DIP2C: variants seen among roughly 807,000 people sequenced by gnomAD.
DIP2C encodes the protein disco-interacting protein 2 homolog C.
Under a neutral mutation model 192.4 loss-of-function variants are expected in DIP2C, and 33 were observed. The ratio of observed to expected loss-of-function variants is 0.17; its 90% CI spans 0.13 to 0.23. DIP2C has a LOEUF of 0.23. Among genes scored for constraint, DIP2C ranks in the 10% least tolerant of loss-of-function variants. The pLI is 1.00. For missense variants in DIP2C, 1,537 were observed against 2,110.1 expected, an observed-to-expected ratio of 0.73 and a Z score of 5.32; for synonymous variants, 979 against 864.1, an observed-to-expected ratio of 1.13 and a Z score of -2.33.
intron 1 of DIP2C, among the ~76,000 whole-genome samples, chr10:508,850 A>G (rs1279595185): frequency 1.3e-5 from 2 of 152,192 alleles, no homozygotes; most frequent in African/African-American, 4.8e-5. Context: ...CATGACCCAA[A>G]AAAGGCATCA....
intron 1 of DIP2C, among the ~76,000 whole-genome samples, chr10:634,926 C>T (rs188888644): frequency 9.9e-4 from 150 of 152,224 alleles, no homozygotes; most frequent in Non-Finnish European, 1.4e-3. Context: ...TTCTAATTGG[C>T]CCCCAATTTT....
intron 1 of DIP2C, among the ~76,000 whole-genome samples, chr10:502,717 A>G (rs1455588827): frequency 6.6e-6 from 1 of 152,196 alleles, no homozygotes; most frequent in African/African-American, 2.4e-5. Flanking sequence ...GTTAAAAACA[A>G]CACTATTTAC....
chr10:566,682 A>G (rs1483966387), intron 1 of DIP2C, among the ~76,000 whole-genome samples: 1 of 152,240 alleles, frequency 6.6e-6, no homozygotes, highest in Admixed American at 6.5e-5. Context: ...GTCTCTCGCC[A>G]TGGAGGCGGT....
chr10:675,622 A>C (rs1830848106), intron 1 of DIP2C, among the ~76,000 whole-genome samples: 1 of 152,184 alleles, frequency 6.6e-6, no homozygotes, highest in Non-Finnish European at 1.5e-5. Flanking sequence ...ACAAGGGCTC[A>C]CTGGAGACTA....
intron 1 of DIP2C, among the ~76,000 whole-genome samples, chr10:655,515 T>A (rs1325854948): frequency 6.6e-6 from 1 of 152,180 alleles, no homozygotes; most frequent in Non-Finnish European, 1.5e-5. Flanking sequence ...CACTGTCCTC[T>A]CTGTTCTGTG....
rs796728537 is a variant in DIP2C, at chr10:555,189, TA to T, written c.86-68660del. Among the ~76,000 whole-genome samples the T allele has an allele frequency of 6.5e-3, 856 of 131,750 alleles. 11 individuals carry two copies. The highest frequency in any genetic ancestry group is 0.031 in the African/African-American group (780 of 24,812). 86.4% of individuals were successfully genotyped at this position (131,750 alleles called of 152,430 possible). On this transcript the variant is annotated intron_variant, in intron 1 of 36. Transcript: ENST00000280886. Reference sequence around the variant, plus strand: ...ATTTAGTTTATGTTTTCTTCAGTATTATTTTTTTTTTTTCCCAAGCCATTAC... The same window carrying T: ...ATTTAGTTTATGTTTTCTTCAGTATTTTTTTTTTTTTTCCCAAGCCATTAC...
chr10:439,906 A>ATGG (rs1287855036), intron 4 of DIP2C, among the ~76,000 whole-genome samples: 3 of 152,218 alleles, frequency 2.0e-5, no homozygotes, highest in African/African-American at 7.2e-5. Flanking sequence ...GGAGAAAAAA[A>ATGG]TGGTGTCAAA....
At chr10:476,643 GGGCCCCTCTCCCA>G (rs1843054260) in intron 2 of DIP2C, among the ~76,000 whole-genome samples, 1 of 152,104 alleles carries the variant, frequency 6.6e-6, no homozygotes, top group South Asian at 2.1e-4. Flanking sequence ...TTTGCAATGG[GGGCCCCTCTCCCA>G]GGCCCCTCCA....
intron 31 of DIP2C, among the ~76,000 whole-genome samples, chr10:317,798 A>T (rs901128793): frequency 5.3e-5 from 8 of 152,244 alleles, no homozygotes; most frequent in African/African-American, 1.9e-4. Context: ...TTATCTGTTC[A>T]GTGCAGTGTC....
intron 1 of DIP2C, among the ~76,000 whole-genome samples, chr10:679,987 A>T (rs928682865): frequency 1.3e-5 from 2 of 152,148 alleles, no homozygotes; most frequent in African/African-American, 4.8e-5. Context: ...ATCCACATTA[A>T]TCCTGACAGT....
At chr10:592,706 C>T (rs190279009) in intron 1 of DIP2C, among the ~76,000 whole-genome samples, 6 of 152,102 alleles carry the variant, frequency 3.9e-5, no homozygotes, top group Non-Finnish European at 8.8e-5. Flanking sequence ...TAAATTATAA[C>T]TATTACTATG....
At chr10:553,840 G>T (rs2030380874) in intron 1 of DIP2C, among the ~76,000 whole-genome samples, 1 of 151,484 alleles carries the variant, frequency 6.6e-6, no homozygotes, top group African/African-American at 2.4e-5. Flanking sequence ...TACCTCATAG[G>T]AAAAAACGTA....
rs565263146 is a variant in DIP2C at position 278,386 on chromosome 10, G to T, written c.4419-809C>A. On this transcript the variant is annotated intron_variant, in intron 36 of 36. Coordinates refer to ENST00000280886, the MANE Select transcript of DIP2C (RefSeq NM_014974.3). Reference sequence around the variant, plus strand: ...GCCTGTGTTAGGGAGATGAATGCCGGTGGAGGCTCCAGGAGGGCTGGATAT... The same window carrying T: ...GCCTGTGTTAGGGAGATGAATGCCGTTGGAGGCTCCAGGAGGGCTGGATAT... Among the ~76,000 whole-genome samples the T allele has an allele frequency of 9.2e-5, 14 of 152,362 alleles. No individual in the cohort carries two copies. In the South Asian group the frequency reaches 2.9e-3, roughly 32 times the overall value.
At chr10:414,860 G>GTC (rs2133103995) in intron 7 of DIP2C, among the ~76,000 whole-genome samples, 1 of 44,430 alleles carries the variant, frequency 2.3e-5, no homozygotes, top group East Asian at 4.5e-4. Flanking sequence ...ATTTGTGTGT[G>GTC]TGTGTGTGTG....
chr10:581,377 TGA>T (rs1850646815), intron 1 of DIP2C, among the ~76,000 whole-genome samples: 1 of 152,226 alleles, frequency 6.6e-6, no homozygotes, highest in African/African-American at 2.4e-5. Context: ...TCTGCAAATA[TGA>T]GTTTCTAGGA....
chr10:409,713 C>A (rs1049846159), intron 8 of DIP2C, among the ~76,000 whole-genome samples: 1 of 152,212 alleles, frequency 6.6e-6, no homozygotes, highest in Non-Finnish European at 1.5e-5. Flanking sequence ...AAAACTGCCT[C>A]GAGAGGCTCC....
chr10:365,884 C>G (rs992716159), intron 19 of DIP2C, among the ~76,000 whole-genome samples: 1 of 152,206 alleles, frequency 6.6e-6, no homozygotes, highest in African/African-American at 2.4e-5. Context: ...GTTGGCTTCC[C>G]CAGGCGAGGG....
intron 22 of DIP2C, 53 bp from the exon 23 acceptor site, chr10:357,990 G>C (rs780467017): frequency 6.3e-5 from 88 of 1,390,712 alleles, no homozygotes; most frequent in Non-Finnish European, 8.4e-5. Flanking sequence ...AATTCCTTCA[G>C]ACTAGACCTC....
At chr10:373,348 G>C (rs1961213306) in intron 17 of DIP2C, among the ~76,000 whole-genome samples, 1 of 152,176 alleles carries the variant, frequency 6.6e-6, no homozygotes, top group Non-Finnish European at 1.5e-5. Context: ...ACCACATACA[G>C]ATTTTTTAAT....
Sources: gnomAD v4.1 joint callset for allele counts (sites outside exome capture counted in the v4.1 genomes callset) on GRCh38, gnomAD v4.1.1 for gene constraint, MANE v1.5 for transcripts, NCBI Gene and HGNC (gene_info 2026-07-23, HGNC 2026-07-21) for gene names.